NCAPH2: variants seen among roughly 807,000 people sequenced by gnomAD.
NCAPH2 encodes condensin-2 complex subunit H2.
Under a neutral mutation model 88.6 loss-of-function variants are expected in NCAPH2, and 56 were observed. The observed-to-expected ratio is 0.63, with a 90% CI of 0.51 to 0.79. The LOEUF is 0.79. NCAPH2 is among the 30% of genes least tolerant of loss of function. The pLI is 0.00. For missense variants in NCAPH2, 794 were observed against 792.0 expected, an observed-to-expected ratio of 1.00 and a Z score of -0.03; for synonymous variants, 378 against 313.6, an observed-to-expected ratio of 1.21 and a Z score of -2.17.
chr22:50,519,418 C>A, intron 9 of NCAPH2, 98 bp downstream of exon 9: 1 of 1,517,914 alleles, frequency 6.6e-7, no homozygotes, highest in South Asian at 1.3e-5. Context: ...GTGGTATGGC[C>A]TTGGCCCCAG....
chr22:50,523,240 T>C lies in NCAPH2; in HGVS notation c.1683T>C (p.Asn561=). Reference sequence around the variant, plus strand: ...CTGATGTGCCACCCCTGCAGGCCAATGACTACACAGTGGAGATAACCCAGC... The same window carrying C: ...CTGATGTGCCACCCCTGCAGGCCAACGACTACACAGTGGAGATAACCCAGC... ...RSMLASLQLA[N]DYTVEITQQP... is the part of the protein sequence containing the mutation. The change falls in exon 20 of 20, where the codon AAT becomes AAC. Residue 561 remains asparagine, a synonymous_variant. Coordinates refer to ENST00000420993, the MANE Select transcript of NCAPH2 (RefSeq NM_152299.4). 6.2e-7 allele frequency: 1 copy of C among 1,613,096 alleles called. No individual in the cohort carries two copies. Among genetic ancestry groups the C allele is most frequent in the Non-Finnish European group, 8.5e-7 (1 of 1,179,758 alleles).
intron 9 of NCAPH2, chr22:50,519,631 C>T (rs1486030198): frequency 5.9e-6 from 7 of 1,196,484 alleles, no homozygotes; most frequent in Admixed American, 4.1e-5. Flanking sequence ...TCTCTGCAGT[C>T]GGGCTGGTAG....
rs779010107 is a variant in NCAPH2 at position 50,523,623 on chromosome 22, A to G, written c.*248A>G. The G allele has an allele frequency of 7.4e-6, 12 of 1,613,560 alleles. No homozygotes were observed. Among genetic ancestry groups the G allele is most frequent in the East Asian group, 2.2e-5 (1 of 44,880 alleles). Reference sequence around the variant, plus strand: ...AGACTGCAGTGGCTCAAGACAGGACACTGCGGAAAGCCGCCATGTGCCGCC... The same window carrying G: ...AGACTGCAGTGGCTCAAGACAGGACGCTGCGGAAAGCCGCCATGTGCCGCC... On this transcript the variant is annotated 3_prime_UTR_variant, in exon 20 of 20. Transcript: ENST00000420993.
Position 50,522,040 on chromosome 22 carries a change from G to C in NCAPH2, c.1162+1G>C. The C allele has an allele frequency of 6.2e-7, 1 of 1,614,048 alleles. No homozygotes were observed. Among genetic ancestry groups the C allele is most frequent in the Non-Finnish European group, 8.5e-7 (1 of 1,179,956 alleles). On this transcript the variant is annotated splice_donor_variant, in intron 13 of 19. Transcript: ENST00000420993. LOFTEE classifies it high-confidence loss of function. ...CGGCGAAAGGGTCCGTCCTTTGCAG[G>C]TGAGGCTGAAGTCCTCGGGGAAGAC... is the stretch of plus-strand genomic sequence containing the variant.
chr22:50,518,514 TC>T (rs756580418), intron 7 of NCAPH2, 134 bp from the exon 8 acceptor site: 21 of 1,059,788 alleles, frequency 2.0e-5, no homozygotes, highest in Non-Finnish European at 6.7e-6. Context: ...CCCTGCTGTC[TC>T]CCCCCAGCCC....
chr22:50,513,336 C>T (rs1404566351), intron 1 of NCAPH2, among the ~76,000 whole-genome samples: 1 of 148,896 alleles, frequency 6.7e-6, no homozygotes, highest in Middle Eastern at 3.2e-3. Flanking sequence ...AGGTGGCTCA[C>T]GCCTGTGATC....
intron 2 of NCAPH2, 22 bp from the exon 3 acceptor site, chr22:50,517,401 CCTCA>C: frequency 6.2e-7 from 1 of 1,613,534 alleles, no homozygotes; most frequent in South Asian, 1.1e-5. Context: ...CTTTCTGGGT[CCTCA>C]CTGCCTGCAT....
intron 1 of NCAPH2, among the ~76,000 whole-genome samples, chr22:50,511,999 G>A (rs571059412): frequency 6.6e-6 from 1 of 152,260 alleles, no homozygotes; most frequent in African/African-American, 2.4e-5. Context: ...TGTTGGCCAG[G>A]CTGGTCTTGA....
At chr22:50,512,542 TG>T (rs1197859968) in intron 1 of NCAPH2, among the ~76,000 whole-genome samples, 3 of 135,578 alleles carry the variant, frequency 2.2e-5, no homozygotes, top group East Asian at 2.4e-4. Flanking sequence ...TTTTGTCCTT[TG>T]TTTTTTTTTT....
chr22:50,524,622 T>C lies in NCAPH2; in HGVS notation c.*1247T>C. The C allele has an allele frequency of 1.4e-6, 1 of 709,402 alleles. No homozygotes were observed. The highest frequency in any genetic ancestry group is 2.6e-6 in the Non-Finnish European group (1 of 380,786). The allele number at this position is 709,402 out of a possible 1,614,324, so 43.9% of individuals were successfully genotyped here. A position where few individuals can be genotyped will look rare whatever the true frequency, so the allele number is the denominator to read the frequency against. On this transcript the variant is annotated 3_prime_UTR_variant, in exon 20 of 20. Transcript: ENST00000420993. Reference sequence around the variant, plus strand: ...ACACCTGGGCAACCACACCTGTCACTCCTGTCCTCTACCTGGGATCACCAG... The same window carrying C: ...ACACCTGGGCAACCACACCTGTCACCCCTGTCCTCTACCTGGGATCACCAG...
intron 1 of NCAPH2, among the ~76,000 whole-genome samples, chr22:50,511,121 C>T (rs1222582740): frequency 6.6e-6 from 1 of 151,240 alleles, no homozygotes; most frequent in Non-Finnish European, 1.5e-5. Context: ...GCTGGGATTA[C>T]AGGCATGAGC....
At chr22:50,516,639 G>T (rs1453794883) in intron 2 of NCAPH2, 91 bp downstream of exon 2, 4 of 1,112,532 alleles carry the variant, frequency 3.6e-6, no homozygotes, top group Non-Finnish European at 5.4e-6. Context: ...TGGTCGTCCC[G>T]TCTGTGACCT....
In NCAPH2 at chr22:50,522,861, CAG is replaced by C. The variant is rs1362463003; in HGVS notation, c.1469_1470del (p.Glu490AlafsTer26). 8.7e-6 allele frequency: 14 copies of C among 1,613,482 alleles called. No homozygotes were observed. Among genetic ancestry groups the C allele is most frequent in the African/African-American group, 1.3e-5 (1 of 75,042 alleles). ...ACCTCCCAGAAGTTTGTCCAGGAGACAGAGCTGAGCCAGCGCATCAGGGACTG... is the reference window on the plus strand; with the variant it reads ...ACCTCCCAGAAGTTTGTCCAGGAGACAGCTGAGCCAGCGCATCAGGGACTG... On this transcript the variant is annotated frameshift_variant, in exon 18 of 20. Transcript: ENST00000420993. LOFTEE classifies it high-confidence loss of function.
rs567324646 is a variant in NCAPH2 at position 50,521,053 on chromosome 22, C to T, written c.933+17C>T. On this transcript the variant is annotated intron_variant, in intron 10 of 19. Transcript: ENST00000420993. ...TGCGTGAAGGTAGGAGTGTTGGGGC[C>T]CTGACCCCCGGCAGGGAGGGATGGG... The T allele has an allele frequency of 6.5e-7, 1 of 1,549,162 alleles. No individual in the cohort carries two copies. The highest frequency in any genetic ancestry group is 8.7e-7 in the Non-Finnish European group (1 of 1,146,602).
intron 2 of NCAPH2, 45 bp downstream of exon 2, chr22:50,516,593 G>A (rs1329950807): frequency 6.3e-7 from 1 of 1,575,014 alleles, no homozygotes; most frequent in Non-Finnish European, 8.7e-7. Flanking sequence ...GTGGCCAGTG[G>A]GACCACAGTC....
Position 50,519,328 on chromosome 22 carries a change from C to G in NCAPH2, c.861+8C>G, listed in dbSNP as rs758083947. 3 of 1,609,572 alleles carry G rather than the reference C, an allele frequency of 1.9e-6. No homozygotes were observed. In the African/African-American group the frequency reaches 4.0e-5, roughly 21 times the overall value. On this transcript the variant is annotated splice_region_variant and intron_variant, in intron 9 of 19. Coordinates refer to ENST00000420993, the MANE Select transcript of NCAPH2 (RefSeq NM_152299.4). ...TCCAGGAGCCCGCAGCAGGTGGGAC[C>G]CACATGGAGGCCTGCAGAACCTGAG...
intron 5 of NCAPH2, 28 bp from the exon 6 acceptor site, chr22:50,517,945 G>C: frequency 1.2e-6 from 2 of 1,610,220 alleles, no homozygotes; most frequent in Non-Finnish European, 1.7e-6. Flanking sequence ...AAGGGTGCCT[G>C]GCTCACCCAC....
chr22:50,520,872 T>C (rs1365174309), intron 9 of NCAPH2, 93 bp from the exon 10 acceptor site: 106 of 1,427,388 alleles, frequency 7.4e-5, no homozygotes, highest in Non-Finnish European at 9.8e-5. Flanking sequence ...CCTTGTAGGG[T>C]TCTTGATGTT....
chr22:50,511,168 A>G (rs1477183510), intron 1 of NCAPH2, among the ~76,000 whole-genome samples: 1 of 108,742 alleles, frequency 9.2e-6, no homozygotes, highest in African/African-American at 3.6e-5. Context: ...ATTTATTTAT[A>G]TGTTTTTTTT....
Sources: gnomAD v4.1 joint callset for allele counts (sites outside exome capture counted in the v4.1 genomes callset) on GRCh38, gnomAD v4.1.1 for gene constraint, MANE v1.5 for transcripts, NCBI Gene and HGNC (gene_info 2026-07-23, HGNC 2026-07-21) for gene names.